Variants in LRRC7 observed in about 807,000 individuals in gnomAD.
LRRC7 encodes the protein leucine-rich repeat-containing protein 7.
LRRC7 carries 23 observed loss-of-function variants against 175.7 expected under a neutral mutation model. The observed-to-expected ratio is 0.13, with a 90% confidence interval of 0.09 to 0.19. The LOEUF is 0.19. Ranked by LOEUF, LRRC7 falls within the 10% of genes least tolerant of loss-of-function variation. The pLI, the probability that LRRC7 is intolerant of heterozygous loss-of-function variation, is 1.00. For synonymous variants in LRRC7, 685 were observed against 680.9 expected (o/e 1.01, Z -0.09); for missense variants, 1,354 against 1,904.7 (o/e 0.71, Z 5.38).
At chr1:69,716,203 C>A in intron 2 of LRRC7, 1 of 489,426 alleles carries the variant, frequency 2.0e-6, no homozygotes, top group Non-Finnish European at 3.7e-6. Flanking sequence ...TCTGCAGAGA[C>A]AGGAATAACT....
At position 70,038,537 on chromosome 1, in the gene LRRC7, A is replaced by G. The variant is rs1279364334; in HGVS notation, c.2713A>G (p.Thr905Ala). The G allele has an allele frequency of 1.2e-6, 2 of 1,613,860 alleles. No individual in the cohort carries two copies. Among genetic ancestry groups the G allele is most frequent in the Admixed American group, 3.3e-5 (2 of 59,986 alleles). The part of the protein sequence containing the change: ...AFPSKLETTP[T>A]TSPLPERKEH... Reference sequence around the variant, plus strand: ...TCCTTCCAAATTAGAGACAACCCCCACTACCAGCCCATTGCCTGAAAGGAA... The same window carrying G: ...TCCTTCCAAATTAGAGACAACCCCCGCTACCAGCCCATTGCCTGAAAGGAA... Residue 905 changes from threonine to alanine, a missense_variant, in exon 21 of 27, where the codon ACT becomes GCT. Coordinates refer to ENST00000651989, the MANE Select transcript of LRRC7 (RefSeq NM_001370785.2).
chr1:69,578,865 C>T (rs1474073345), intron 1 of LRRC7, among the ~76,000 whole-genome samples: 1 of 150,570 alleles, frequency 6.6e-6, no homozygotes, highest in African/African-American at 2.4e-5. Context: ...ATGGGTGCAG[C>T]ACACCAGCAT....
At position 69,865,469 on chromosome 1, in the gene LRRC7, C is replaced by CTTTTTTTTTTTTTTTTTTTTTTTTTTTT. The variant is rs532063540; in HGVS notation, c.647+27211_647+27212insTTTTTTTTTTTTTTTTTTTTTTTTTTTT. ...ATAAGCAAGCTGCTGAAGACAGTTC[C>CTTTTTTTTTTTTTTTTTTTTTTTTTTTT]TTTTTTTTTTTTTTTTTTTTTTTTT... On this transcript the variant is annotated intron_variant, in intron 7 of 26. Transcript: ENST00000651989. 2.1e-3 allele frequency among the ~76,000 whole-genome samples: 110 copies of CTTTTTTTTTTTTTTTTTTTTTTTTTTTT among 51,262 alleles called. 25 individuals are homozygous for CTTTTTTTTTTTTTTTTTTTTTTTTTTTT. Among genetic ancestry groups the CTTTTTTTTTTTTTTTTTTTTTTTTTTTT allele is most frequent in the Middle Eastern group, 0.019 (1 of 54 alleles). The allele number at this position is 51,262 out of a possible 152,430, so 33.6% of individuals were successfully genotyped here.
At chr1:69,886,492 A>T (rs1031000657) in intron 7 of LRRC7, among the ~76,000 whole-genome samples, 10 of 151,820 alleles carry the variant, frequency 6.6e-5, no homozygotes, top group Non-Finnish European at 5.9e-5. Context: ...CCATCCTTTT[A>T]TTTTGAGCTT....
chr1:69,815,770 T>C (rs150008563), intron 4 of LRRC7, among the ~76,000 whole-genome samples: 1 of 152,210 alleles, frequency 6.6e-6, no homozygotes, highest in Non-Finnish European at 1.5e-5. Flanking sequence ...TTCTGGAGGC[T>C]GGGAAATCCA....
chr1:69,883,559 T>G lies in LRRC7; in HGVS notation c.647+45276T>G, dbSNP rs1487832182. Reference sequence around the variant, plus strand: ...GTTGTGAAAATTTTCTCCCATTTTGTAGGTTGCCTGTTCACTCTGATGGTA... The same window carrying G: ...GTTGTGAAAATTTTCTCCCATTTTGGAGGTTGCCTGTTCACTCTGATGGTA... On this transcript the variant is annotated intron_variant, in intron 7 of 26. Coordinates refer to ENST00000651989, the MANE Select transcript of LRRC7 (RefSeq NM_001370785.2). Among the ~76,000 whole-genome samples the G allele has an allele frequency of 1.2e-4, 12 of 101,386 alleles. 4 individuals carry two copies. The South Asian group carries it at 2.4e-3, about 20-fold the overall frequency. The allele number at this position is 101,386 out of a possible 152,430, so 66.5% of individuals were successfully genotyped here.
chr1:69,658,177 T>G (rs1482784166), intron 1 of LRRC7, among the ~76,000 whole-genome samples: 2 of 151,970 alleles, frequency 1.3e-5, no homozygotes, highest in Non-Finnish European at 2.9e-5. Context: ...TTCCTGTCTG[T>G]GTCATTTCTG....
intron 17 of LRRC7, among the ~76,000 whole-genome samples, chr1:70,027,650 A>G (rs910931426): frequency 5.9e-5 from 9 of 151,604 alleles, no homozygotes; most frequent in African/African-American, 2.2e-4. Context: ...ATAACACACT[A>G]ACTAACAGAA....
At chr1:69,604,110 T>G (rs752697265) in intron 1 of LRRC7, among the ~76,000 whole-genome samples, 1 of 152,156 alleles carries the variant, frequency 6.6e-6, no homozygotes, top group Non-Finnish European at 1.5e-5. Context: ...GGAAATGATT[T>G]GTATGCTTTG....
chr1:70,038,214 C>G lies in LRRC7; in HGVS notation c.2390C>G (p.Pro797Arg), dbSNP rs1196797047. ...ATACCACAGCGTCCTGACCGGCTGCCCATGAGTGATACTTTCACTGACAAC... is the reference window on the plus strand; with the variant it reads ...ATACCACAGCGTCCTGACCGGCTGCGCATGAGTGATACTTTCACTGACAAC... ...GNIPQRPDRL[P>R]MSDTFTDNWT... is the part of the protein sequence containing the mutation. The change falls in exon 21 of 27, where the codon CCC (proline) becomes CGC (arginine). Residue 797 changes from proline (P) to arginine (R), a missense_variant. Physicochemically the swap from Pro to Arg is moderately radical, Grantham distance 103 (BLOSUM62 -2). Transcript: ENST00000651989. The G allele has an allele frequency of 1.1e-5, 17 of 1,614,134 alleles. No individual in the cohort carries two copies. The highest frequency in any genetic ancestry group is 1.3e-5 in the Non-Finnish European group (15 of 1,180,014).
intron 14 of LRRC7, 88 bp downstream of exon 14, chr1:70,016,622 G>A (rs908361962): frequency 6.0e-5 from 57 of 954,834 alleles, no homozygotes; most frequent in Non-Finnish European, 8.0e-5. Flanking sequence ...AGATACCTTT[G>A]ACAGCAGCTA....
At position 70,073,661 on chromosome 1, in the gene LRRC7, A is replaced by G. The variant is rs74534583; in HGVS notation, c.4231-2416A>G. Reference sequence around the variant, plus strand: ...CTTCTAAGTTTGTCTGGGTGGAAAAATGCTTTGCTTATCTATATGATCACT... The same window carrying G: ...CTTCTAAGTTTGTCTGGGTGGAAAAGTGCTTTGCTTATCTATATGATCACT... On this transcript the variant is annotated intron_variant, in intron 23 of 26. Transcript: ENST00000651989. Among the ~76,000 whole-genome samples the G allele has an allele frequency of 9.1e-4, 138 of 152,300 alleles. 2 individuals are homozygous for G. The East Asian group carries it at 0.024, about 26-fold the overall frequency.
At chr1:69,875,291 T>C (rs1263401636) in intron 7 of LRRC7, among the ~76,000 whole-genome samples, 3 of 152,056 alleles carry the variant, frequency 2.0e-5, no homozygotes, top group Non-Finnish European at 4.4e-5. Context: ...GTGTGCAGAC[T>C]GTTGAATAAT....
chr1:69,995,189 TAAC>T, intron 11 of LRRC7, among the ~76,000 whole-genome samples: 1 of 152,260 alleles, frequency 6.6e-6, no homozygotes, highest in South Asian at 2.1e-4. Flanking sequence ...ATTTATTTGA[TAAC>T]AATTTATTTC....
intron 1 of LRRC7, among the ~76,000 whole-genome samples, chr1:69,600,912 A>G (rs1014106888): frequency 1.4e-5 from 2 of 144,494 alleles, no homozygotes; most frequent in South Asian, 4.5e-4. Context: ...CCCGGGTTCA[A>G]GCTATTCCCC....
intron 3 of LRRC7, among the ~76,000 whole-genome samples, chr1:69,770,639 C>T (rs1672135421): frequency 6.6e-6 from 1 of 152,158 alleles, no homozygotes; most frequent in Admixed American, 6.5e-5. Context: ...CGAGATTTAA[C>T]ACAGCCTAAA....
chr1:69,707,794 C>T (rs2100721148), intron 2 of LRRC7, among the ~76,000 whole-genome samples: 1 of 152,218 alleles, frequency 6.6e-6, no homozygotes, highest in South Asian at 2.1e-4. Context: ...AGGAAGCAGA[C>T]TCTTGCTTTA....
At chr1:69,896,111 G>C (rs987119447) in intron 7 of LRRC7, among the ~76,000 whole-genome samples, 1 of 151,968 alleles carries the variant, frequency 6.6e-6, no homozygotes, top group African/African-American at 2.4e-5. Context: ...GTGCCTGAAG[G>C]GGGGCTGCTT....
chr1:70,090,547 C>T (rs1313108917), intron 25 of LRRC7, among the ~76,000 whole-genome samples: 1 of 152,036 alleles, frequency 6.6e-6, no homozygotes, highest in Admixed American at 6.6e-5. Context: ...GCTATAGAAC[C>T]TGCCCTGCTA....
Sources: gnomAD v4.1 joint callset for allele counts (sites outside exome capture counted in the v4.1 genomes callset) on GRCh38, gnomAD v4.1.1 for gene constraint, MANE v1.5 for transcripts, NCBI Gene and HGNC (gene_info 2026-07-23, HGNC 2026-07-21) for gene names.